The following POU3F3 variants were observed in gnomAD, a reference collection of about 807,000 sequenced individuals.
POU3F3 encodes the protein POU class 3 homeobox 3.
Under a neutral mutation model 8.6 loss-of-function variants are expected in POU3F3, and 1 was observed. That is an observed-to-expected ratio of 0.12 (90% CI 0.04 to 0.55). The LOEUF (loss-of-function observed/expected upper bound fraction) is 0.55, where lower values mean the gene tolerates loss of function less well. Among genes scored for constraint, POU3F3 ranks in the 20% least tolerant of loss-of-function variants. POU3F3 has a pLI of 0.91. For missense variants in POU3F3, 577 were observed against 690.7 expected, an observed-to-expected ratio of 0.84 and a Z score of 1.84; for synonymous variants, 418 against 327.4, an observed-to-expected ratio of 1.28 and a Z score of -2.99.
chr2:104,900,710 T>C, the POU3F3 span, among the ~76,000 whole-genome samples: 1 of 152,206 alleles, frequency 6.6e-6, no homozygotes, highest in African/African-American at 2.4e-5. Context: ...TATTCGGCTA[T>C]TTACTTTTGT....
the POU3F3 span, among the ~76,000 whole-genome samples, chr2:104,878,738 G>A: frequency 4.6e-5 from 7 of 152,118 alleles, no homozygotes; most frequent in East Asian, 1.9e-4. Flanking sequence ...AAACTTCTCC[G>A]GTGGAATTAC....
At chr2:104,875,755 C>T in the POU3F3 span, among the ~76,000 whole-genome samples, 1 of 152,214 alleles carries the variant, frequency 6.6e-6, no homozygotes, top group African/African-American at 2.4e-5. Flanking sequence ...CTCGCTCTGT[C>T]GCCCAGGCTG....
chr2:104,897,298 T>C, the POU3F3 span, among the ~76,000 whole-genome samples: 2 of 152,174 alleles, frequency 1.3e-5, no homozygotes, highest in African/African-American at 4.8e-5. Flanking sequence ...TCTTTATTCC[T>C]ACAGAAGCTG....
At chr2:104,862,576 C>T (rs1025898636), downstream of POU3F3, among the ~76,000 whole-genome samples, 4 of 149,588 alleles carry the variant, frequency 2.7e-5, no homozygotes, top group African/African-American at 9.8e-5. Context: ...GGAGGTGGGG[C>T]GGTGGCGGTC....
At chr2:104,911,635 CT>C in the POU3F3 span, among the ~76,000 whole-genome samples, 1 of 151,958 alleles carries the variant, frequency 6.6e-6, no homozygotes, top group Admixed American at 6.6e-5. Flanking sequence ...TACATACCCC[CT>C]GACACAGAGA....
In POU3F3 at chr2:104,857,102, C is replaced by T. The variant is rs987446892; in HGVS notation, c.*89C>T. 326 of 978,002 alleles carry T rather than the reference C, an allele frequency of 3.3e-4. No individual in the cohort carries two copies. Among genetic ancestry groups the T allele is most frequent in the Middle Eastern group, 1.6e-3 (3 of 1,930 alleles). The allele number at this position is 978,002 out of a possible 1,614,324, so 60.6% of individuals were successfully genotyped here. On this transcript the variant is annotated 3_prime_UTR_variant, in exon 1 of 1. Coordinates refer to ENST00000361360, the MANE Select transcript of POU3F3 (RefSeq NM_006236.3). ...CCGCCGCCCCTGCCGCCGCCGCCGCCGCCGCCGCCGCCGCTGCCGCCGCCG... is the reference window on the plus strand; with the variant it reads ...CCGCCGCCCCTGCCGCCGCCGCCGCTGCCGCCGCCGCCGCTGCCGCCGCCG...
chr2:104,853,607 A>G (rs1264259549), upstream of POU3F3: 3 of 152,372 alleles, frequency 2.0e-5, no homozygotes, highest in Non-Finnish European at 4.4e-5. Flanking sequence ...CGCGCGCTTT[A>G]CAAATCTCTG....
chr2:104,872,357 C>T, the POU3F3 span: 2 of 456,648 alleles, frequency 4.4e-6, no homozygotes, highest in South Asian at 3.1e-5. The surrounding 1 kb of genome is among the most constrained non-coding windows in gnomAD (Gnocchi z 4.6). Flanking sequence ...ACTTCGGGCT[C>T]TGAGCTCTGG....
At chr2:104,917,697 A>G in the POU3F3 span, among the ~76,000 whole-genome samples, 1 of 152,170 alleles carries the variant, frequency 6.6e-6, no homozygotes, top group Non-Finnish European at 1.5e-5. Flanking sequence ...GTAACATAGA[A>G]GTCATTTTCT....
chr2:104,877,647 A>C, the POU3F3 span, among the ~76,000 whole-genome samples: 1 of 137,222 alleles, frequency 7.3e-6, no homozygotes, highest in African/African-American at 2.7e-5. Flanking sequence ...TGATTCTTTT[A>C]TTTTCTTTTT....
At position 104,854,187 on chromosome 2, in the gene POU3F3, A is replaced by T. The variant is rs1282798776; in HGVS notation, c.-1324A>T. On this transcript the variant is annotated 5_prime_UTR_variant, in exon 1 of 1. Transcript: ENST00000361360. This position sits in a 1 kb window ranked among gnomAD's most constrained non-coding sequence, Gnocchi z 4.5. ...AGATCGGAGCGAGAGCGGGCGCCCG[A>T]GAGAGGGAGAGAGAGAGAGGGAGGG... 6.6e-6 allele frequency among the ~76,000 whole-genome samples: 1 copy of T among 152,016 alleles called. No individual in the cohort carries two copies. Among genetic ancestry groups the T allele is most frequent in the African/African-American group, 2.4e-5 (1 of 41,408 alleles).
chr2:104,865,174 C>T, the POU3F3 span, among the ~76,000 whole-genome samples: 1 of 152,172 alleles, frequency 6.6e-6, no homozygotes, highest in African/African-American at 2.4e-5. Flanking sequence ...GAAACTGAGT[C>T]TGGTCTTTAA....
chr2:104,865,710 T>A, the POU3F3 span: 4 of 152,174 alleles, frequency 2.6e-5, no homozygotes, highest in Middle Eastern at 3.2e-3. Flanking sequence ...GTACCCAGGT[T>A]TAGACAGGGA....
chr2:104,898,239 T>A, the POU3F3 span, among the ~76,000 whole-genome samples: 1 of 152,224 alleles, frequency 6.6e-6, no homozygotes, highest in East Asian at 1.9e-4. Flanking sequence ...CCAGCCATGC[T>A]GGTCCTCTGA....
At chr2:104,919,613 G>T in the POU3F3 span, among the ~76,000 whole-genome samples, 1 of 152,198 alleles carries the variant, frequency 6.6e-6, no homozygotes, top group East Asian at 1.9e-4. Flanking sequence ...TTTATTTACT[G>T]GTCCTGTGTT....
the POU3F3 span, among the ~76,000 whole-genome samples, chr2:104,908,175 C>A: frequency 6.6e-6 from 1 of 152,138 alleles, no homozygotes; most frequent in East Asian, 1.9e-4. Context: ...TTAAAGAGTG[C>A]CCTGCCATTT....
At chr2:104,918,154 G>A in the POU3F3 span, among the ~76,000 whole-genome samples, 74 of 152,304 alleles carry the variant, frequency 4.9e-4, 1 homozygote, top group East Asian at 0.013. Context: ...TTCCCAAGTC[G>A]TAAAATCCTA....
chr2:104,853,665 G>C (rs1341008448), upstream of POU3F3: 2 of 152,284 alleles, frequency 1.3e-5, no homozygotes, highest in Non-Finnish European at 2.9e-5. Flanking sequence ...ACTAGGTGGG[G>C]TGGGCAGGTT....
At chr2:104,921,753 T>C in the POU3F3 span, among the ~76,000 whole-genome samples, 1 of 152,156 alleles carries the variant, frequency 6.6e-6, no homozygotes, top group Non-Finnish European at 1.5e-5. Flanking sequence ...ATCCCAGCAC[T>C]CTGGGAAGCT....
Sources: gnomAD v4.1 joint callset for allele counts (sites outside exome capture counted in the v4.1 genomes callset) on GRCh38, gnomAD v4.1.1 for gene constraint, Gnocchi (gnomAD v3.1) non-coding constraint, MANE v1.5 for transcripts, NCBI Gene and HGNC (gene_info 2026-07-23, HGNC 2026-07-21) for gene names.